The following TCF20 variants were observed in gnomAD, a reference collection of about 807,000 sequenced individuals.
TCF20 encodes transcription factor 20.
In TCF20, 3 loss-of-function variants were observed where a neutral mutation model predicts 148.6. The observed-to-expected ratio is 0.02, with a 90% CI of 0.01 to 0.05. The LOEUF is 0.05. Ranked by LOEUF, TCF20 falls within the 10% of genes least tolerant of loss-of-function variation. The pLI is 1.00. For synonymous variants in TCF20, 1,049 were observed against 909.5 expected (o/e 1.15, Z -2.76); for missense variants, 2,350 against 2,429.3 (o/e 0.97, Z 0.69).
rs371835218 is a variant in TCF20, at chr22:42,338,751, G to A, written c.-37+4728C>T. Among the ~76,000 whole-genome samples the A allele has an allele frequency of 5.3e-5, 8 of 152,190 alleles. No homozygotes were observed. Among genetic ancestry groups the A allele is most frequent in the South Asian group, 2.1e-4 (1 of 4,838 alleles). ...CTCTTCATCATCTGCCTCTCAACAC[G>A]TGACTTTCAAAGGGCAATCTTAATA... On this transcript the variant is annotated intron_variant, in intron 1 of 1. Coordinates refer to the TCF20 transcript ENST00000515426. The surrounding 1 kb of genome is among the most constrained non-coding windows in gnomAD (Gnocchi z 4.0).
At chr22:42,219,872 A>C (rs895023856) in intron 1 of TCF20, among the ~76,000 whole-genome samples, 7 of 152,146 alleles carry the variant, frequency 4.6e-5, no homozygotes, top group Non-Finnish European at 7.4e-5. Flanking sequence ...TAAATAAAAA[A>C]GAGGCCTACC....
chr22:42,324,695 AAAAATAATCTCCACCATCTGAG>A (rs139584158), intron 1 of TCF20, among the ~76,000 whole-genome samples: 2 of 146,562 alleles, frequency 1.4e-5, no homozygotes, highest in East Asian at 2.1e-4. Flanking sequence ...CCATTTGAGA[AAAAATAATCTCCACCATCTGAG>A]AAAATAATCT....
Position 42,317,616 on chromosome 22 carries a change from G to A in TCF20, c.-37+25863C>T, listed in dbSNP as rs1390039704. Among the ~76,000 whole-genome samples the A allele has an allele frequency of 8.0e-6, 1 of 124,700 alleles. No homozygotes were observed. Among genetic ancestry groups the A allele is most frequent in the Non-Finnish European group, 1.8e-5 (1 of 54,218 alleles). 81.8% of individuals were successfully genotyped at this position (124,700 alleles called of 152,430 possible). On this transcript the variant is annotated intron_variant, in intron 1 of 1. Coordinates refer to the TCF20 transcript ENST00000515426. This position sits in a 1 kb window ranked among gnomAD's most constrained non-coding sequence, Gnocchi z 4.2. ...ACTGGCCCAAGGCAGCACCCTCAGA[G>A]GAGGGCTCTGCTCCTGCATTCCCGC...
chr22:42,232,303 G>A (rs1198729959), intron 1 of TCF20, among the ~76,000 whole-genome samples: 1 of 152,050 alleles, frequency 6.6e-6, no homozygotes, highest in Non-Finnish European at 1.5e-5. Context: ...CTAGGTGTGT[G>A]TAAGTACATC....
At chr22:42,277,423 G>A (rs972411908) in intron 1 of TCF20, among the ~76,000 whole-genome samples, 3 of 152,218 alleles carry the variant, frequency 2.0e-5, no homozygotes, top group Non-Finnish European at 2.9e-5. Context: ...GAGCACAGCA[G>A]ATGTACAATA....
chr22:42,333,501 A>C (rs1262000870), intron 1 of TCF20, among the ~76,000 whole-genome samples: 1 of 152,278 alleles, frequency 6.6e-6, no homozygotes, highest in Non-Finnish European at 1.5e-5. Flanking sequence ...ACACAGAAGC[A>C]GAAAAGTATC....
intron 1 of TCF20, among the ~76,000 whole-genome samples, chr22:42,221,861 C>T (rs747056741): frequency 5.3e-5 from 8 of 149,896 alleles, no homozygotes; most frequent in Non-Finnish European, 1.0e-4. Context: ...GCCTCAGCCT[C>T]CCAAGTAGCT....
intron 3 of TCF20, among the ~76,000 whole-genome samples, chr22:42,178,695 G>A (rs1569109411): frequency 6.9e-6 from 1 of 144,524 alleles, no homozygotes; most frequent in African/African-American, 2.6e-5. Context: ...TGATTCTCCT[G>A]CCTCAGACTC....
intron 1 of TCF20, among the ~76,000 whole-genome samples, chr22:42,324,469 CAGAAAATAATCTCCACCATCTG>C (rs1456280918): frequency 2.7e-5 from 4 of 150,824 alleles, no homozygotes; most frequent in African/African-American, 9.8e-5. Context: ...TCCACCATTC[CAGAAAATAATCTCCACCATCTG>C]AGAAAATAAT....
chr22:42,258,426 C>T (rs1310291790), intron 1 of TCF20, among the ~76,000 whole-genome samples: 1 of 152,192 alleles, frequency 6.6e-6, no homozygotes, highest in African/African-American at 2.4e-5. Flanking sequence ...CACAGGGGAT[C>T]ACACTGGGTT....
chr22:42,337,185 T>G (rs967821839), intron 1 of TCF20, among the ~76,000 whole-genome samples: 6 of 152,250 alleles, frequency 3.9e-5, no homozygotes, highest in African/African-American at 1.4e-4. Context: ...GGTCTAGCCC[T>G]GACACTGGGG....
chr22:42,218,669 G>A (rs1922042715), intron 1 of TCF20, among the ~76,000 whole-genome samples: 1 of 152,180 alleles, frequency 6.6e-6, no homozygotes, highest in Admixed American at 6.5e-5. Flanking sequence ...AGATCTGAGT[G>A]TATAAACAAT....
chr22:42,309,919 G>A (rs563307203), intron 1 of TCF20, among the ~76,000 whole-genome samples: 1 of 152,338 alleles, frequency 6.6e-6, no homozygotes, highest in South Asian at 2.1e-4. Flanking sequence ...CTCTGAGGTT[G>A]TGTCCAAGGC....
chr22:42,219,461 G>A (rs1922150182), intron 1 of TCF20, among the ~76,000 whole-genome samples: 1 of 149,178 alleles, frequency 6.7e-6, no homozygotes, highest in Admixed American at 6.7e-5. Context: ...ACTGTGATTA[G>A]TAATAATAAG....
chr22:42,200,521 A>G (rs566157483), intron 2 of TCF20, among the ~76,000 whole-genome samples: 17 of 151,928 alleles, frequency 1.1e-4, no homozygotes, highest in Non-Finnish European at 2.4e-4. Context: ...CATGCTTGTA[A>G]TCCCAGCTAC....
At chr22:42,191,421 C>T (rs1250756500) in intron 2 of TCF20, among the ~76,000 whole-genome samples, 1 of 152,130 alleles carries the variant, frequency 6.6e-6, no homozygotes, top group East Asian at 1.9e-4. Context: ...TCTAAAGTAG[C>T]TGGATTACAG....
At position 42,212,918 on chromosome 22, in the gene TCF20, A is replaced by T; in HGVS notation, c.2388T>A (p.Asn796Lys). The T allele has an allele frequency of 6.2e-7, 1 of 1,614,084 alleles. No homozygotes were observed. Among genetic ancestry groups the T allele is most frequent in the South Asian group, 1.1e-5 (1 of 91,064 alleles). The change falls in exon 2 of 6, where the codon AAT becomes AAA. Residue 796 changes from asparagine to lysine, a missense_variant. Physicochemically the swap from Asn to Lys is moderately conservative, Grantham distance 94 (BLOSUM62 0). Around this residue, in one of 7 missense-constraint regions of TCF20, gnomAD observed 1,641 missense variants for 1,662.6 expected, o/e 0.99. Transcript: ENST00000677622. Reference protein sequence around the residue: ...TRPNVLVSQTNELASRGLLNK... With the variant: ...TRPNVLVSQTKELASRGLLNK... ...TCAGAAGGCCCCTGCTAGCTAATTC[A>T]TTGGTTTGACTAACCAAGACATTGG... is the stretch of plus-strand genomic sequence containing the variant.
intron 1 of TCF20, among the ~76,000 whole-genome samples, chr22:42,305,098 C>A (rs1601700315): frequency 6.6e-6 from 1 of 152,052 alleles, no homozygotes; most frequent in African/African-American, 2.4e-5. Context: ...AGGACCTGAA[C>A]TAAATAACCC....
intron 1 of TCF20, among the ~76,000 whole-genome samples, chr22:42,321,231 A>G (rs962315342): frequency 9.9e-5 from 15 of 152,208 alleles, no homozygotes; most frequent in South Asian, 2.1e-4. Context: ...TCAGGGCATG[A>G]GGGAACGCCT....
Sources: allele counts gnomAD v4.1 joint callset (sites outside exome capture counted in the v4.1 genomes callset), GRCh38; gene constraint gnomAD v4.1.1; regional missense constraint gnomAD v4.1.1; non-coding constraint Gnocchi (gnomAD v3.1); transcripts MANE v1.5; gene names NCBI Gene and HGNC (gene_info 2026-07-23, HGNC 2026-07-21).